Variants in BAMBI observed in about 807,000 individuals in gnomAD.
BAMBI encodes BMP and activin membrane-bound inhibitor homolog.
A neutral mutation model predicts 24.1 loss-of-function variants in BAMBI; 21 were observed. That is an observed-to-expected ratio of 0.87 (90% CI 0.62 to 1.26). The LOEUF (loss-of-function observed/expected upper bound fraction) is 1.26. BAMBI is among the 50% of genes most tolerant of loss of function. The probability of loss-of-function intolerance (pLI) is 0.00; values close to 1 mark genes in which losing one functional copy is unlikely to be tolerated. For synonymous variants in BAMBI, 156 were observed against 123.1 expected (o/e 1.27, Z -1.77); for missense variants, 388 against 329.1 (o/e 1.18, Z -1.38).
Position 28,682,130 on chromosome 10 carries a change from T to A in BAMBI, c.512T>A (p.Leu171Ter), listed in dbSNP as rs1168894872. 1 of 1,614,178 alleles carries A rather than the reference T, an allele frequency of 6.2e-7. No homozygotes were observed. The highest frequency in any genetic ancestry group is 8.5e-7 in the Non-Finnish European group (1 of 1,180,034). ...GGLILVLLIM[L>*]ALRMLRSENK... ...CTGATTTTAGTGTTGCTTATTATGT[T>A]GGCCCTGAGGATGCTTCGAAGTGAA... Residue 171 changes from leucine to a stop codon, truncating the protein, a stop_gained, in exon 3 of 3, where the codon TTG becomes TAG. Transcript: ENST00000375533. LOFTEE classifies it high-confidence loss of function.
In BAMBI at chr10:28,682,354, G is replaced by T; in HGVS notation, c.736G>T (p.Val246Phe). The T allele has an allele frequency of 1.2e-6, 2 of 1,614,106 alleles. No individual in the cohort carries two copies. The highest frequency in any genetic ancestry group is 1.7e-6 in the Non-Finnish European group (2 of 1,180,030). Residue 246 changes from valine to phenylalanine, a missense_variant, in exon 3 of 3, where the codon GTT (valine) becomes TTT (phenylalanine). By Grantham distance (50) the Val-to-Phe change is conservative (BLOSUM62 -1). Coordinates refer to ENST00000375533, the MANE Select transcript of BAMBI (RefSeq NM_012342.3). ...DLSNDKILSL[V>F]HWGMYSGHGK... is the part of the protein sequence containing the mutation. ...CAGCAACGATAAGATCCTCTCGCTT[G>T]TTCACTGGGGCATGTACAGTGGGCA...
chr10:28,677,612 AG>A lies in BAMBI; in HGVS notation c.-284del. 1 of 220,314 alleles carries A rather than the reference AG, an allele frequency of 4.5e-6. No homozygotes were observed. Among genetic ancestry groups the A allele is most frequent in the Admixed American group, 5.8e-5 (1 of 17,250 alleles). The allele number at this position is 220,314 out of a possible 1,614,324, so 13.6% of individuals were successfully genotyped here. ...GAGAACGGCCGCTAGCGGGGACTGA[AG>A]GCCGGGAGCCCACTCCCGACCCGGG... On this transcript the variant is annotated 5_prime_UTR_variant, in exon 1 of 3. Coordinates refer to ENST00000375533, the MANE Select transcript of BAMBI (RefSeq NM_012342.3).
chr10:28,682,088 T>G lies in BAMBI; in HGVS notation c.470T>G (p.Val157Gly). 1 of 1,614,184 alleles carries G rather than the reference T, an allele frequency of 6.2e-7. No homozygotes were observed. The highest frequency in any genetic ancestry group is 8.5e-7 in the Non-Finnish European group (1 of 1,180,036). ...ELWFRAAVIA[V>G]PIAGGLILVL... is the part of the protein sequence containing the mutation. ...TGGTTCCGGGCAGCGGTCATTGCCGTGCCCATTGCTGGAGGGCTGATTTTA... is the reference window on the plus strand; with the variant it reads ...TGGTTCCGGGCAGCGGTCATTGCCGGGCCCATTGCTGGAGGGCTGATTTTA... The change falls in exon 3 of 3, where the codon GTG becomes GGG. Residue 157 changes from valine (V) to glycine (G), a missense_variant. Physicochemically the swap from Val to Gly is moderately radical, Grantham distance 109. Coordinates refer to ENST00000375533, the MANE Select transcript of BAMBI (RefSeq NM_012342.3).
intron 1 of BAMBI, among the ~76,000 whole-genome samples, chr10:28,679,623 T>A (rs1834476450): frequency 6.6e-6 from 1 of 152,236 alleles, no homozygotes; most frequent in Admixed American, 6.5e-5. Context: ...CTCATAAACA[T>A]TTAAGCAGCA....
intron 1 of BAMBI, among the ~76,000 whole-genome samples, chr10:28,678,329 C>T (rs1213600952): frequency 6.6e-6 from 1 of 152,220 alleles, no homozygotes; most frequent in East Asian, 1.9e-4. Context: ...CTGCCGCGTG[C>T]CCTCAGCGTG....
chr10:28,682,564 A>G lies in BAMBI; in HGVS notation c.*163A>G. 1 of 657,636 alleles carries G rather than the reference A, an allele frequency of 1.5e-6. No individual in the cohort carries two copies. Among genetic ancestry groups the G allele is most frequent in the Non-Finnish European group, 2.5e-6 (1 of 396,370 alleles). The allele number at this position is 657,636 out of a possible 1,614,324, so 40.7% of individuals were successfully genotyped here. A position where few individuals can be genotyped will look rare whatever the true frequency, so the allele number is the denominator to read the frequency against. ...ATATTTCTTCTGAAGGATTATTTGCACAGACTTAAATACAGTTAAATGTGT... is the reference window on the plus strand; with the variant it reads ...ATATTTCTTCTGAAGGATTATTTGCGCAGACTTAAATACAGTTAAATGTGT... On this transcript the variant is annotated 3_prime_UTR_variant, in exon 3 of 3. Coordinates refer to ENST00000375533, the MANE Select transcript of BAMBI (RefSeq NM_012342.3).
At chr10:28,678,047 T>C in intron 1 of BAMBI, 74 bp downstream of exon 1, 2 of 1,356,140 alleles carry the variant, frequency 1.5e-6, no homozygotes, top group Non-Finnish European at 2.0e-6. Flanking sequence ...GCAGAGGCTT[T>C]GTTAGCGGCA....
At chr10:28,681,912 G>A in intron 2 of BAMBI, 71 bp from the exon 3 acceptor site, 1 of 1,372,606 alleles carries the variant, frequency 7.3e-7, no homozygotes, top group East Asian at 2.3e-5. Context: ...TGGTTAAAAT[G>A]AATTGATGAT....
intron 1 of BAMBI, among the ~76,000 whole-genome samples, chr10:28,678,968 ATTTT>A (rs960995330): frequency 1.3e-5 from 2 of 150,320 alleles, no homozygotes; most frequent in Admixed American, 6.8e-5. Context: ...TGAACAGATA[ATTTT>A]TTTAAGTAGG....
At position 28,677,724 on chromosome 10, in the gene BAMBI, C is replaced by T. The variant is rs538997133; in HGVS notation, c.-174C>T. On this transcript the variant is annotated 5_prime_UTR_variant, in exon 1 of 3. Transcript: ENST00000375533. Reference sequence around the variant, plus strand: ...CGGGAAACTTTTCTGGGCTCCTGGGCGCGCCCTGTAGCCGCGCTCCATGCT... The same window carrying T: ...CGGGAAACTTTTCTGGGCTCCTGGGTGCGCCCTGTAGCCGCGCTCCATGCT... 206 of 312,854 alleles carry T rather than the reference C, an allele frequency of 6.6e-4. No individual in the cohort carries two copies. Among genetic ancestry groups the T allele is most frequent in the African/African-American group, 4.4e-3 (200 of 45,478 alleles). The allele number at this position is 312,854 out of a possible 1,614,324, so 19.4% of individuals were successfully genotyped here. A position where few individuals can be genotyped will look rare whatever the true frequency, so the allele number is the denominator to read the frequency against.
At position 28,677,854 on chromosome 10, in the gene BAMBI, G is replaced by C. The variant is rs1464504661; in HGVS notation, c.-44G>C. On this transcript the variant is annotated 5_prime_UTR_variant, in exon 1 of 3. Coordinates refer to ENST00000375533, the MANE Select transcript of BAMBI (RefSeq NM_012342.3). ...GGGTCGTAGGCTGCCGCCGAGCCGG[G>C]GCTCCGGAAGCCGGCGGGGGCGCCG... 1.2e-5 allele frequency: 18 copies of C among 1,465,708 alleles called. No individual in the cohort carries two copies. Among genetic ancestry groups the C allele is most frequent in the South Asian group, 2.6e-5 (2 of 77,802 alleles). The allele number at this position is 1,465,708 out of a possible 1,614,324, so 90.8% of individuals were successfully genotyped here.
Position 28,682,461 on chromosome 10 carries a change from A to G in BAMBI, c.*60A>G. ...TTGAAGGCCTTTTGAGTTCTGCTGGACAGGAGCACTTTATCTGAAGACAAA... is the reference window on the plus strand; with the variant it reads ...TTGAAGGCCTTTTGAGTTCTGCTGGGCAGGAGCACTTTATCTGAAGACAAA... On this transcript the variant is annotated 3_prime_UTR_variant, in exon 3 of 3. Transcript: ENST00000375533. 2 of 1,463,220 alleles carry G rather than the reference A, an allele frequency of 1.4e-6. No individual in the cohort carries two copies. The highest frequency in any genetic ancestry group is 1.3e-5 in the South Asian group (1 of 76,886). The allele number at this position is 1,463,220 out of a possible 1,614,324, so 90.6% of individuals were successfully genotyped here. A position where few individuals can be genotyped will look rare whatever the true frequency, so the allele number is the denominator to read the frequency against.
intron 2 of BAMBI, 163 bp downstream of exon 2, chr10:28,681,708 A>G: frequency 1.2e-6 from 1 of 818,706 alleles, no homozygotes; most frequent in Non-Finnish European, 1.9e-6. Context: ...AGTGGCTTTT[A>G]TGTCTGAGCA....
At chr10:28,681,129 T>G (rs1834492599) in intron 1 of BAMBI, 129 bp from the exon 2 acceptor site, 1 of 926,616 alleles carries the variant, frequency 1.1e-6, no homozygotes, top group African/African-American at 1.6e-5. Context: ...CCAGGCTCTG[T>G]AGACTGGAGC....
In BAMBI at chr10:28,682,398, A is replaced by T. The variant is rs767106772; in HGVS notation, c.780A>T (p.Val260=). The change falls in exon 3 of 3, where the codon GTA becomes GTT. Residue 260 remains valine, a synonymous_variant. Coordinates refer to ENST00000375533, the MANE Select transcript of BAMBI (RefSeq NM_012342.3). ...GTGGGCACGGGAAGCTGGAATTCGT[A>T]TGACGGAGTCTTATCTGAACTACAC... ...MYSGHGKLEF[V] 8.7e-6 allele frequency: 14 copies of T among 1,609,010 alleles called. No individual in the cohort carries two copies. Among genetic ancestry groups the T allele is most frequent in the African/African-American group, 2.7e-5 (2 of 74,832 alleles).
chr10:28,678,820 CAAA>C (rs11464273), intron 1 of BAMBI, among the ~76,000 whole-genome samples: 24 of 137,934 alleles, frequency 1.7e-4, no homozygotes, highest in African/African-American at 5.2e-4. Flanking sequence ...CAAACAGGAC[CAAA>C]AAAAAAAAAA....
rs372428088 is a variant in BAMBI at position 28,681,966 on chromosome 10, T to G, written c.365-17T>G. The G allele has an allele frequency of 1.3e-6, 2 of 1,591,198 alleles. No homozygotes were observed. The highest frequency in any genetic ancestry group is 2.2e-5 in the South Asian group (2 of 89,448). ...GAGTTAGCATGGAGTTTGATCATTT[T>G]CTTTGTACTCCTTTAGGACAAGGAA... On this transcript the variant is annotated splice_polypyrimidine_tract_variant and intron_variant, in intron 2 of 2. Transcript: ENST00000375533.
intron 1 of BAMBI, among the ~76,000 whole-genome samples, chr10:28,679,059 C>T (rs1052821578): frequency 1.3e-5 from 2 of 152,182 alleles, no homozygotes; most frequent in Non-Finnish European, 2.9e-5. Flanking sequence ...CATAAGCTAG[C>T]CCAGCGAGGA....
At position 28,681,849 on chromosome 10, in the gene BAMBI, A is replaced by G. The variant is rs1588644190; in HGVS notation, c.365-134A>G. 3.1e-6 allele frequency: 3 copies of G among 976,664 alleles called. 1 individual carries two copies. Among genetic ancestry groups the G allele is most frequent in the Admixed American group, 2.6e-5 (1 of 38,440 alleles). 60.5% of individuals were successfully genotyped at this position (976,664 alleles called of 1,614,324 possible). ...GTAAGCTTCTTCAGATAGTTTTGCAATGTTTTCTAAATATCGTTGATTTAA... is the reference window on the plus strand; with the variant it reads ...GTAAGCTTCTTCAGATAGTTTTGCAGTGTTTTCTAAATATCGTTGATTTAA... On this transcript the variant is annotated intron_variant, in intron 2 of 2. Transcript: ENST00000375533.
Sources: allele counts gnomAD v4.1 joint callset (sites outside exome capture counted in the v4.1 genomes callset), GRCh38; gene constraint gnomAD v4.1.1; transcripts MANE v1.5; gene names NCBI Gene and HGNC (gene_info 2026-07-23, HGNC 2026-07-21).